Variants in MMP28 observed in about 807,000 individuals in gnomAD.
The protein encoded by MMP28 is matrix metallopeptidase 28, also known as matrix metalloproteinase-28.
Under a neutral mutation model 60.5 loss-of-function variants are expected in MMP28, and 55 were observed. The ratio of observed to expected loss-of-function variants is 0.91; its 90% CI spans 0.73 to 1.14. MMP28 has a LOEUF of 1.14. Among genes scored for constraint, MMP28 ranks in the 50% most tolerant of loss-of-function variants. MMP28 has a pLI of 0.00. For synonymous variants in MMP28, 318 were observed against 312.5 expected, an observed-to-expected ratio of 1.02 and a Z score of -0.18; for missense variants, 686 against 738.3, an observed-to-expected ratio of 0.93 and a Z score of 0.82.
intron 1 of MMP28, among the ~76,000 whole-genome samples, chr17:35,783,467 TC>T (rs2086563585): frequency 6.6e-6 from 1 of 152,192 alleles, no homozygotes; most frequent in African/African-American, 2.4e-5. Flanking sequence ...CCTTGTCCCC[TC>T]CCTTTCCTTT....
intron 4 of MMP28, among the ~76,000 whole-genome samples, chr17:35,772,481 G>A (rs906613108): frequency 2.0e-5 from 3 of 152,218 alleles, no homozygotes; most frequent in African/African-American, 7.2e-5. Context: ...GGGCTTGACT[G>A]AAAGCAGGAG....
chr17:35,781,448 G>A (rs965602438), intron 1 of MMP28, among the ~76,000 whole-genome samples: 5 of 152,300 alleles, frequency 3.3e-5, no homozygotes, highest in South Asian at 4.2e-4. Flanking sequence ...GGACCAGGAC[G>A]AGCTCCTCTG....
chr17:35,783,373 G>A (rs1412798460), intron 1 of MMP28, among the ~76,000 whole-genome samples: 8 of 152,212 alleles, frequency 5.3e-5, no homozygotes, highest in African/African-American at 1.9e-4. Context: ...GAACTGCTTT[G>A]AACATGGCAG....
chr17:35,769,270 T>C (rs1014279831), intron 5 of MMP28, among the ~76,000 whole-genome samples: 1 of 152,130 alleles, frequency 6.6e-6, no homozygotes. Context: ...TAGGTACTCA[T>C]GAAATAGTAG....
At chr17:35,767,704 C>A (rs1555603961) in intron 7 of MMP28, 48 bp downstream of exon 7, 1 of 1,547,432 alleles carries the variant, frequency 6.5e-7, no homozygotes, top group East Asian at 2.4e-5. Flanking sequence ...GGGCAGGACA[C>A]CTTCCCTCTC....
At chr17:35,789,765 A>T (rs868637364) in intron 1 of MMP28, among the ~76,000 whole-genome samples, 58 of 141,372 alleles carry the variant, frequency 4.1e-4, no homozygotes, top group African/African-American at 1.4e-3. Flanking sequence ...GCAACATTTA[A>T]TTTTTTTTTT....
intron 1 of MMP28, among the ~76,000 whole-genome samples, chr17:35,790,894 T>G (rs968617774): frequency 6.6e-6 from 1 of 151,754 alleles, no homozygotes; most frequent in South Asian, 2.1e-4. Flanking sequence ...ATTAATGTTT[T>G]TTTTTTTTTT....
intron 1 of MMP28, among the ~76,000 whole-genome samples, 159 bp downstream of exon 1, chr17:35,795,108 A>G (rs755804329): frequency 6.6e-6 from 1 of 152,162 alleles, no homozygotes; most frequent in African/African-American, 2.4e-5. Flanking sequence ...ACGGGGAAAA[A>G]ACTGCCCGGC....
intron 1 of MMP28, among the ~76,000 whole-genome samples, chr17:35,794,374 T>C (rs2086903654): frequency 6.7e-6 from 1 of 149,770 alleles, no homozygotes; most frequent in Non-Finnish European, 1.5e-5. Context: ...GCCTCCCGAG[T>C]AGCTGGGATT....
In MMP28 at chr17:35,789,036, T is replaced by G. The variant is rs181602060; in HGVS notation, c.111+6231A>C. Among the ~76,000 whole-genome samples, 3 of 152,316 alleles carry G rather than the reference T, an allele frequency of 2.0e-5. No homozygotes were observed. In the East Asian group the frequency reaches 5.8e-4, roughly 29 times the overall value. On this transcript the variant is annotated intron_variant, in intron 1 of 7. Coordinates refer to ENST00000605424, the MANE Select transcript of MMP28 (RefSeq NM_024302.5). ...TTGTTCCTAAGTTGCAACAATGAAC[T>G]TGTTTGTTCACAACACAGCTTTGTA...
At chr17:35,794,871 G>A (rs1176795525) in intron 1 of MMP28, among the ~76,000 whole-genome samples, 5 of 152,222 alleles carry the variant, frequency 3.3e-5, no homozygotes, top group African/African-American at 9.6e-5. Context: ...GTCCCGGCCA[G>A]CCAGCGGTAC....
chr17:35,758,779 T>G (rs2085768848), intron 2 of MMP28, among the ~76,000 whole-genome samples: 1 of 152,220 alleles, frequency 6.6e-6, no homozygotes, highest in Non-Finnish European at 1.5e-5. Context: ...ACAATCTGAC[T>G]TTTTAGGAAG....
chr17:35,761,044 C>G, downstream of MMP28: 1 of 1,405,218 alleles, frequency 7.1e-7, no homozygotes. Flanking sequence ...GAAGTCCAAC[C>G]TTTTCTCAGT....
intron 1 of MMP28, 109 bp downstream of exon 1, chr17:35,795,158 A>G (rs2086931905): frequency 3.1e-6 from 2 of 643,156 alleles, no homozygotes; most frequent in Admixed American, 8.6e-5. Flanking sequence ...GGACAGGGGT[A>G]GGGTAACGCA....
In MMP28 at chr17:35,795,422, A is replaced by G. The variant is rs1044869572; in HGVS notation, c.-45T>C. On this transcript the variant is annotated 5_prime_UTR_variant, in exon 1 of 8. Transcript: ENST00000605424. ...CCCGGCTCGGGGAGCTACTGCGCGCAGGGAACCAGCCGGCAGTCAGCCGCG... is the reference window on the plus strand; with the variant it reads ...CCCGGCTCGGGGAGCTACTGCGCGCGGGGAACCAGCCGGCAGTCAGCCGCG... 2.6e-5 allele frequency: 35 copies of G among 1,342,072 alleles called. No homozygotes were observed. The highest frequency in any genetic ancestry group is 3.6e-5 in the Admixed American group (1 of 27,714). The allele number at this position is 1,342,072 out of a possible 1,614,324, so 83.1% of individuals were successfully genotyped here.
chr17:35,784,292 A>G (rs2086587740), intron 1 of MMP28, among the ~76,000 whole-genome samples: 1 of 152,020 alleles, frequency 6.6e-6, no homozygotes, highest in African/African-American at 2.4e-5. Flanking sequence ...CCAAAAAAAA[A>G]AAAAGCACTG....
At chr17:35,782,513 C>T (rs2086536178) in intron 1 of MMP28, among the ~76,000 whole-genome samples, 1 of 152,226 alleles carries the variant, frequency 6.6e-6, no homozygotes, top group Admixed American at 6.5e-5. Flanking sequence ...CATTCATTTT[C>T]AGCAACCTCC....
downstream of MMP28, among the ~76,000 whole-genome samples, chr17:35,762,202 C>T (rs1251796641): frequency 2.0e-5 from 3 of 152,098 alleles, no homozygotes; most frequent in Non-Finnish European, 4.4e-5. Context: ...GTTGGTCAGG[C>T]TGGTCTCGAA....
At chr17:35,786,039 G>A (rs1337259806) in intron 1 of MMP28, among the ~76,000 whole-genome samples, 5 of 151,106 alleles carry the variant, frequency 3.3e-5, no homozygotes, top group Non-Finnish European at 7.4e-5. Flanking sequence ...AGGTGAGCGT[G>A]TAGTACTCAC....
Sources: allele counts gnomAD v4.1 joint callset (sites outside exome capture counted in the v4.1 genomes callset), GRCh38; gene constraint gnomAD v4.1.1; transcripts MANE v1.5; gene names NCBI Gene and HGNC (gene_info 2026-07-23, HGNC 2026-07-21).